Variants in MEIS1 observed in about 807,000 individuals in gnomAD.
MEIS1 encodes Meis homeobox 1.
In MEIS1, 5 loss-of-function variants were observed where a neutral mutation model predicts 50.8. That is an observed-to-expected ratio of 0.10 (90% CI 0.05 to 0.21). The LOEUF (loss-of-function observed/expected upper bound fraction) is 0.21. Ranked by LOEUF, MEIS1 falls within the 10% of genes least tolerant of loss-of-function variation. MEIS1 has a pLI of 1.00. For missense variants in MEIS1, 318 were observed against 517.3 expected (o/e 0.61, Z 3.74); for synonymous variants, 176 against 179.3 (o/e 0.98, Z 0.15).
At chr2:66,468,854 T>A (rs981382180) in intron 7 of MEIS1, among the ~76,000 whole-genome samples, 1 of 152,172 alleles carries the variant, frequency 6.6e-6, no homozygotes, top group Non-Finnish European at 1.5e-5. Context: ...CTAAGTAGAA[T>A]GATGAATGAA....
intron 9 of MEIS1, among the ~76,000 whole-genome samples, chr2:66,563,752 T>C (rs1428479049): frequency 6.6e-6 from 1 of 152,162 alleles, no homozygotes; most frequent in African/African-American, 2.4e-5. Flanking sequence ...AATGTCATTT[T>C]ATTACTTTGC....
intron 9 of MEIS1, among the ~76,000 whole-genome samples, chr2:66,556,362 A>G (rs1322444482): frequency 2.0e-5 from 3 of 152,186 alleles, no homozygotes; most frequent in Non-Finnish European, 4.4e-5. Context: ...GAAGAAGGGG[A>G]AAAGTATTTC....
At chr2:66,540,437 G>A (rs1413689567) in intron 8 of MEIS1, among the ~76,000 whole-genome samples, 1 of 152,068 alleles carries the variant, frequency 6.6e-6, no homozygotes, top group African/African-American at 2.4e-5. Flanking sequence ...AGCCTGCCGA[G>A]TAGATGGGAT....
chr2:66,567,649 C>T lies in MEIS1; in HGVS notation c.1024+138C>T, dbSNP rs544293518. ...CTGGCAATTAAAATTAAACCAGTTT[C>T]GTTTCATAACAACACTAATCAATTT... On this transcript the variant is annotated intron_variant, in intron 10 of 12. Coordinates refer to ENST00000272369, the MANE Select transcript of MEIS1 (RefSeq NM_002398.3). The T allele has an allele frequency of 4.8e-5, 37 of 769,440 alleles. No individual in the cohort carries two copies. In the East Asian group the frequency reaches 9.3e-4, roughly 19 times the overall value. The allele number at this position is 769,440 out of a possible 1,614,324, so 47.7% of individuals were successfully genotyped here.
intron 9 of MEIS1, among the ~76,000 whole-genome samples, chr2:66,565,159 C>T (rs6735071): frequency 0.79 from 119,310 of 151,974 alleles, 47,329 homozygotes; most frequent in Non-Finnish European, 0.85. Context: ...AATGAACTCA[C>T]GACTTTAATA....
intron 12 of MEIS1, chr2:66,570,497 G>T (rs1174051799): frequency 6.6e-6 from 1 of 152,134 alleles, no homozygotes; most frequent in African/African-American, 2.4e-5. Flanking sequence ...TTATTCGAAG[G>T]TGTTCATCGT....
At chr2:66,560,512 G>A (rs1675186310) in intron 9 of MEIS1, among the ~76,000 whole-genome samples, 1 of 151,730 alleles carries the variant, frequency 6.6e-6, no homozygotes, top group South Asian at 2.1e-4. Context: ...CTCGAGCCAG[G>A]GAGGTGGAGG....
At chr2:66,454,588 G>A (rs1273548210) in intron 6 of MEIS1, 1 of 152,000 alleles carries the variant, frequency 6.6e-6, no homozygotes, top group African/African-American at 2.4e-5. Context: ...AATGTTTTCT[G>A]CATTATTGGA....
chr2:66,548,093 A>G (rs1674833671), intron 9 of MEIS1, 74 bp downstream of exon 9: 1 of 1,440,806 alleles, frequency 6.9e-7, no homozygotes. Context: ...GTTTTGCATT[A>G]AGAAGACACA....
At chr2:66,495,080 CTTTTTTTTT>C (rs70943701) in intron 7 of MEIS1, among the ~76,000 whole-genome samples, 5 of 91,492 alleles carry the variant, frequency 5.5e-5, no homozygotes, top group African/African-American at 1.7e-4. Context: ...CTCTTCTGAC[CTTTTTTTTT>C]TTTTTTTTTT....
chr2:66,435,559 T>C lies in MEIS1; in HGVS notation c.-298T>C, dbSNP rs1671778903. 3 of 182,138 alleles carry C rather than the reference T, an allele frequency of 1.6e-5. No individual in the cohort carries two copies. Among genetic ancestry groups the C allele is most frequent in the Admixed American group, 6.5e-5 (1 of 15,404 alleles). 11.3% of individuals were successfully genotyped at this position (182,138 alleles called of 1,614,324 possible). A position where few individuals can be genotyped will look rare whatever the true frequency, so the allele number is the denominator to read the frequency against. ...TTTTTTCCTTTTCTTTCTTTCTTTCTTTTTTTTTTTTTAAACTGATTTTTG... is the reference window on the plus strand; with the variant it reads ...TTTTTTCCTTTTCTTTCTTTCTTTCCTTTTTTTTTTTTAAACTGATTTTTG... On this transcript the variant is annotated 5_prime_UTR_variant, in exon 1 of 13. Transcript: ENST00000272369.
At chr2:66,554,541 G>T (rs1484421454) in intron 9 of MEIS1, among the ~76,000 whole-genome samples, 1 of 152,186 alleles carries the variant, frequency 6.6e-6, no homozygotes, top group Non-Finnish European at 1.5e-5. Context: ...GTATGGGAAG[G>T]GGAAATGCAG....
chr2:66,521,293 G>C (rs1674113158), intron 8 of MEIS1, among the ~76,000 whole-genome samples: 1 of 152,058 alleles, frequency 6.6e-6, no homozygotes, highest in Non-Finnish European at 1.5e-5. Context: ...GTGCTTTGGG[G>C]GGTGAAGAAT....
intron 7 of MEIS1, among the ~76,000 whole-genome samples, chr2:66,493,723 CATT>C (rs1479933092): frequency 6.6e-6 from 1 of 152,166 alleles, no homozygotes; most frequent in Non-Finnish European, 1.5e-5. Flanking sequence ...TTTTCCTGCA[CATT>C]ATGACTCCCC....
intron 1 of MEIS1, chr2:66,437,388 C>T (rs959409386): frequency 7.5e-6 from 2 of 267,426 alleles, no homozygotes; most frequent in Non-Finnish European, 1.4e-5. Context: ...GAATTTCTTC[C>T]TCCAGAGACA....
At chr2:66,547,806 G>GTC (rs1674827283) in intron 8 of MEIS1, 137 bp from the exon 9 acceptor site, 1 of 721,604 alleles carries the variant, frequency 1.4e-6, no homozygotes, top group Non-Finnish European at 2.4e-6. Flanking sequence ...TTAATTAGAT[G>GTC]ATGTAGTATT....
chr2:66,493,099 C>T (rs1290446060), intron 7 of MEIS1, among the ~76,000 whole-genome samples: 2 of 152,128 alleles, frequency 1.3e-5, no homozygotes, highest in Non-Finnish European at 2.9e-5. Context: ...AAGATATGAC[C>T]CATGATATTC....
chr2:66,515,564 C>T (rs1673945257), intron 8 of MEIS1, among the ~76,000 whole-genome samples: 2 of 152,048 alleles, frequency 1.3e-5, no homozygotes, highest in Admixed American at 6.6e-5. Context: ...CAGTCTCTAG[C>T]AAGCTAAACT....
chr2:66,487,299 G>A (rs1673166513), intron 7 of MEIS1, among the ~76,000 whole-genome samples: 1 of 152,148 alleles, frequency 6.6e-6, no homozygotes, highest in African/African-American at 2.4e-5. Context: ...ATAAACACCT[G>A]TAACTCACCA....
Sources: allele counts gnomAD v4.1 joint callset (sites outside exome capture counted in the v4.1 genomes callset), GRCh38; gene constraint gnomAD v4.1.1; transcripts MANE v1.5; gene names NCBI Gene and HGNC (gene_info 2026-07-23, HGNC 2026-07-21).